The following SPATA6 variants were observed in gnomAD, a reference collection of about 807,000 sequenced individuals.
The protein encoded by SPATA6 is spermatogenesis-associated protein 6.
A neutral mutation model predicts 65.3 loss-of-function variants in SPATA6; 56 were observed. The observed-to-expected ratio is 0.86, with a 90% CI of 0.69 to 1.07. The LOEUF (loss-of-function observed/expected upper bound fraction) is 1.07. Among genes scored for constraint, SPATA6 ranks in the 50% least tolerant of loss-of-function variants. SPATA6 has a pLI of 0.00. For synonymous variants in SPATA6, 199 were observed against 213.2 expected (o/e 0.93, Z 0.58); for missense variants, 590 against 594.8 (o/e 0.99, Z 0.08).
intron 8 of SPATA6, among the ~76,000 whole-genome samples, chr1:48,387,317 T>G (rs1649579795): frequency 6.6e-6 from 1 of 152,080 alleles, no homozygotes; most frequent in Non-Finnish European, 1.5e-5. Context: ...GGCAGAGACA[T>G]GACTGAGCCT....
chr1:48,432,897 A>G (rs540856911), intron 3 of SPATA6, among the ~76,000 whole-genome samples: 1 of 152,338 alleles, frequency 6.6e-6, no homozygotes, highest in Non-Finnish European at 1.5e-5. Flanking sequence ...TCAACACATG[A>G]AGTGATAGGC....
intron 11 of SPATA6, among the ~76,000 whole-genome samples, chr1:48,343,502 G>A (rs950091716): frequency 2.0e-5 from 3 of 152,094 alleles, no homozygotes; most frequent in Non-Finnish European, 2.9e-5. Context: ...CTTTTGTAAC[G>A]CCTATGTAAT....
At chr1:48,361,948 C>T (rs548886540) in intron 9 of SPATA6, among the ~76,000 whole-genome samples, 1 of 152,024 alleles carries the variant, frequency 6.6e-6, no homozygotes, top group African/African-American at 2.4e-5. Flanking sequence ...CAGTTACAGT[C>T]CCCAATAACT....
At chr1:48,328,371 T>C (rs745670928) in intron 11 of SPATA6, among the ~76,000 whole-genome samples, 3 of 151,862 alleles carry the variant, frequency 2.0e-5, no homozygotes, top group Non-Finnish European at 4.4e-5. Flanking sequence ...ATCCATCAAC[T>C]GATGAATGGA....
At chr1:48,367,188 C>A (rs1180624861) in intron 9 of SPATA6, among the ~76,000 whole-genome samples, 1 of 152,132 alleles carries the variant, frequency 6.6e-6, no homozygotes, top group Non-Finnish European at 1.5e-5. Flanking sequence ...TGTTCTTTTA[C>A]ATTTGCTGAG....
chr1:48,265,675 G>A, the SPATA6 span, among the ~76,000 whole-genome samples: 6 of 151,924 alleles, frequency 3.9e-5, no homozygotes, highest in Non-Finnish European at 8.8e-5. Context: ...CTCAAACCTG[G>A]GTAAGCATTA....
chr1:48,380,412 C>T (rs1032594826), intron 9 of SPATA6, among the ~76,000 whole-genome samples: 41 of 152,214 alleles, frequency 2.7e-4, no homozygotes, highest in African/African-American at 9.4e-4. Context: ...AGGAATCCAG[C>T]GATGAGAGTG....
At chr1:48,315,832 G>T (rs989282652) in intron 11 of SPATA6, among the ~76,000 whole-genome samples, 5 of 152,074 alleles carry the variant, frequency 3.3e-5, no homozygotes, top group Non-Finnish European at 5.9e-5. Flanking sequence ...GATAAGCAAC[G>T]TCAGCAAAGT....
chr1:48,305,730 T>C lies in SPATA6; in HGVS notation c.1286+57A>G. On this transcript the variant is annotated intron_variant, in intron 12 of 12. Coordinates refer to ENST00000371847, the MANE Select transcript of SPATA6 (RefSeq NM_019073.4). ...AATTTCCCATAAATTCAGCATATTA[T>C]AAAACAGTTATTTTTATCAGAACTA... is the stretch of plus-strand genomic sequence containing the variant. The C allele has an allele frequency of 8.3e-6, 11 of 1,326,534 alleles. No homozygotes were observed. In the South Asian group the frequency reaches 1.4e-4, roughly 17 times the overall value. 82.2% of individuals were successfully genotyped at this position (1,326,534 alleles called of 1,614,324 possible).
At chr1:48,352,118 C>T (rs1422269913) in intron 11 of SPATA6, among the ~76,000 whole-genome samples, 2 of 151,952 alleles carry the variant, frequency 1.3e-5, no homozygotes, top group Admixed American at 1.3e-4. Context: ...TGGTTAAAGC[C>T]AATAGGGAGC....
At chr1:48,365,721 C>G (rs559473258) in intron 9 of SPATA6, among the ~76,000 whole-genome samples, 1 of 152,156 alleles carries the variant, frequency 6.6e-6, no homozygotes, top group Non-Finnish European at 1.5e-5. Flanking sequence ...TCTAGATATA[C>G]AATCATGTCA....
Position 48,411,571 on chromosome 1 carries a change from T to C in SPATA6, c.298A>G (p.Thr100Ala). Reference sequence around the variant, plus strand: ...AAATCTCGTGTATTTTCGTCATACGTAGACAGTGTTTCACCCACTACAAGA... The same window carrying C: ...AAATCTCGTGTATTTTCGTCATACGCAGACAGTGTTTCACCCACTACAAGA... ...LVPPVGETLS[T>A]YDENTRDFMF... The change falls in exon 5 of 13, where the codon ACG becomes GCG. Residue 100 changes from threonine to alanine, a missense_variant. Physicochemically the swap from Thr to Ala is moderately conservative, Grantham distance 58. Transcript: ENST00000371847. 1 of 1,601,752 alleles carries C rather than the reference T, an allele frequency of 6.2e-7. No individual in the cohort carries two copies.
intron 11 of SPATA6, among the ~76,000 whole-genome samples, chr1:48,313,702 A>C (rs954344044): frequency 3.3e-4 from 50 of 152,284 alleles, no homozygotes; most frequent in African/African-American, 9.4e-4. Flanking sequence ...CCATATTAAC[A>C]TTAAATGTAA....
chr1:48,398,031 T>C (rs1650769027), intron 7 of SPATA6, among the ~76,000 whole-genome samples: 1 of 151,670 alleles, frequency 6.6e-6, no homozygotes, highest in South Asian at 2.1e-4. Flanking sequence ...GATGAAAATA[T>C]AGTATATCCT....
At chr1:48,267,762 T>TTG in the SPATA6 span, among the ~76,000 whole-genome samples, 4 of 132,528 alleles carry the variant, frequency 3.0e-5, no homozygotes, top group African/African-American at 1.1e-4. Context: ...GTTTTTTTTT[T>TTG]TTTTTTTTTT....
intron 11 of SPATA6, among the ~76,000 whole-genome samples, chr1:48,315,043 A>T (rs997245391): frequency 3.3e-5 from 5 of 152,310 alleles, no homozygotes; most frequent in South Asian, 2.1e-4. Context: ...AATTGAGGCA[A>T]TAATTAATAG....
intron 7 of SPATA6, 36 bp from the exon 8 acceptor site, chr1:48,395,390 T>C: frequency 6.9e-7 from 1 of 1,445,116 alleles, no homozygotes; most frequent in Non-Finnish European, 9.3e-7. Context: ...AAAGAGAGTT[T>C]AAACATTCCT....
chr1:48,374,606 C>T (rs1647674719), intron 9 of SPATA6, among the ~76,000 whole-genome samples: 1 of 152,184 alleles, frequency 6.6e-6, no homozygotes. Flanking sequence ...TTTACCTGAG[C>T]AACAGACTGC....
At chr1:48,464,625 A>G (rs533950491) in intron 1 of SPATA6, among the ~76,000 whole-genome samples, 42 of 152,300 alleles carry the variant, frequency 2.8e-4, no homozygotes, top group African/African-American at 9.6e-4. Context: ...ACAAGGATAA[A>G]CTCCCACAAA....
Sources: allele counts gnomAD v4.1 joint callset (sites outside exome capture counted in the v4.1 genomes callset), GRCh38; gene constraint gnomAD v4.1.1; transcripts MANE v1.5; gene names NCBI Gene and HGNC (gene_info 2026-07-23, HGNC 2026-07-21).